Variants in ADAM12 observed in about 807,000 individuals in gnomAD.
The protein encoded by ADAM12 is disintegrin and metalloproteinase domain-containing protein 12.
ADAM12 carries 70 observed loss-of-function variants against 106.4 expected under a neutral mutation model. The observed-to-expected ratio is 0.66, with a 90% CI of 0.54 to 0.80. The LOEUF (loss-of-function observed/expected upper bound fraction) is 0.80. ADAM12 is among the 30% of genes least tolerant of loss of function. The pLI is 0.00. For synonymous variants in ADAM12, 420 were observed against 433.5 expected, an observed-to-expected ratio of 0.97 and a Z score of 0.39; for missense variants, 1,010 against 1,171.9, an observed-to-expected ratio of 0.86 and a Z score of 2.02.
chr10:126,252,855 A>G (rs1958814257), intron 3 of ADAM12, among the ~76,000 whole-genome samples: 1 of 152,128 alleles, frequency 6.6e-6, no homozygotes, highest in African/African-American at 2.4e-5. Flanking sequence ...AGGGACACTG[A>G]GCAGGTTGCC....
At chr10:126,261,184 T>C (rs1306697497) in intron 3 of ADAM12, among the ~76,000 whole-genome samples, 1 of 151,922 alleles carries the variant, frequency 6.6e-6, no homozygotes, top group Non-Finnish European at 1.5e-5. Flanking sequence ...CCATGAGGGG[T>C]TCTGGAGCTA....
intron 3 of ADAM12, among the ~76,000 whole-genome samples, chr10:126,263,654 A>G (rs1345867782): frequency 6.6e-6 from 1 of 152,170 alleles, no homozygotes; most frequent in East Asian, 1.9e-4. Context: ...AAAGTTTACT[A>G]ATTAATTTAT....
chr10:126,387,496 A>G (rs1856705364), intron 1 of ADAM12, among the ~76,000 whole-genome samples: 1 of 152,124 alleles, frequency 6.6e-6, no homozygotes, highest in African/African-American at 2.4e-5. Flanking sequence ...AGAGGAAACT[A>G]AAGAAGTAGG....
chr10:126,109,594 T>G lies in ADAM12; in HGVS notation c.669+181A>C, dbSNP rs546532569. 8.5e-5 allele frequency among the ~76,000 whole-genome samples: 13 copies of G among 152,348 alleles called. No homozygotes were observed. The East Asian group carries it at 2.1e-3, about 25-fold the overall frequency. On this transcript the variant is annotated intron_variant, in intron 7 of 22. Transcript: ENST00000448723. ...CTTTGCCATTACTTTATATATCAAA[T>G]AAATTTTTAATATTGTATGCTTTAT...
At chr10:126,020,561 ATG>A (rs1456413347) in intron 21 of ADAM12, among the ~76,000 whole-genome samples, 3 of 152,180 alleles carry the variant, frequency 2.0e-5, no homozygotes, top group Non-Finnish European at 4.4e-5. Context: ...TCTCTGGAAA[ATG>A]TGGGGAAAAA....
intron 4 of ADAM12, among the ~76,000 whole-genome samples, chr10:126,146,228 A>G (rs1033202260): frequency 2.6e-5 from 4 of 152,134 alleles, no homozygotes; most frequent in Admixed American, 1.3e-4. Flanking sequence ...CAAGGGAGAG[A>G]AGGCACTGGT....
chr10:126,289,453 C>A (rs953302754), intron 2 of ADAM12, among the ~76,000 whole-genome samples: 2 of 152,204 alleles, frequency 1.3e-5, no homozygotes, highest in Non-Finnish European at 2.9e-5. Context: ...GGGTACCAGC[C>A]CCTTGCAACG....
chr10:126,233,893 A>T (rs1180380609), intron 3 of ADAM12, among the ~76,000 whole-genome samples: 2 of 152,226 alleles, frequency 1.3e-5, no homozygotes, highest in Non-Finnish European at 2.9e-5. Context: ...TGTATGCATA[A>T]TTTTGTATCC....
intron 5 of ADAM12, among the ~76,000 whole-genome samples, chr10:126,129,102 T>G (rs527921947): frequency 6.6e-4 from 100 of 152,372 alleles, no homozygotes; most frequent in African/African-American, 2.4e-3. Context: ...TGAGCTTGGC[T>G]CAGGTCTTTT....
intron 3 of ADAM12, among the ~76,000 whole-genome samples, chr10:126,166,648 G>A (rs1371477783): frequency 1.3e-5 from 2 of 152,108 alleles, no homozygotes; most frequent in Admixed American, 6.5e-5. Context: ...ACAGGCATGT[G>A]CCACCACACC....
At chr10:126,348,657 T>A (rs926333054) in intron 1 of ADAM12, among the ~76,000 whole-genome samples, 1 of 152,208 alleles carries the variant, frequency 6.6e-6, no homozygotes, top group Non-Finnish European at 1.5e-5. Context: ...AACTGAGATT[T>A]CCTCTGTCTC....
chr10:126,046,673 C>T (rs906346700), intron 16 of ADAM12, among the ~76,000 whole-genome samples: 1 of 151,562 alleles, frequency 6.6e-6, no homozygotes, highest in Non-Finnish European at 1.5e-5. Context: ...TGTGGTGGCA[C>T]GTGCCTGTAA....
chr10:126,043,098 G>A lies in ADAM12; in HGVS notation c.2046C>T (p.Pro682=), dbSNP rs201581597. The change falls in exon 18 of 23, where the codon CCC becomes CCT. Residue 682 remains proline (P), a synonymous_variant. Coordinates refer to ENST00000448723, the MANE Select transcript of ADAM12 (RefSeq NM_001288973.2). This position sits in a 1 kb window ranked among gnomAD's most constrained non-coding sequence, Gnocchi z 4.1. ...CTCCAAAGCCAAACTTGTCACAGAA[G>A]GGAGGTGCCCAGTGGGCCTCGCAGT... is the stretch of plus-strand genomic sequence containing the variant. ...NCHCEAHWAP[P]FCDKFGFGGS... is the part of the protein sequence containing the mutation. 1.5e-5 allele frequency: 24 copies of A among 1,614,100 alleles called. No homozygotes were observed. The East Asian group carries it at 5.1e-4, about 34-fold the overall frequency.
chr10:126,311,606 C>T (rs953628130), intron 2 of ADAM12, among the ~76,000 whole-genome samples: 1 of 151,992 alleles, frequency 6.6e-6, no homozygotes, highest in Admixed American at 6.6e-5. Flanking sequence ...CCCCCATCCT[C>T]TGGGGAGGGG....
At chr10:126,023,598 A>G (rs569260463) in intron 21 of ADAM12, among the ~76,000 whole-genome samples, 5 of 147,730 alleles carry the variant, frequency 3.4e-5, no homozygotes, top group African/African-American at 1.1e-4. Context: ...CTCTACAGAC[A>G]AGACCTCAGG....
intron 1 of ADAM12, among the ~76,000 whole-genome samples, chr10:126,380,024 A>G (rs1856434973): frequency 6.6e-6 from 1 of 152,214 alleles, no homozygotes; most frequent in Admixed American, 6.5e-5. Flanking sequence ...AACGTTATCC[A>G]ATGAAGCTGT....
intron 3 of ADAM12, among the ~76,000 whole-genome samples, chr10:126,262,153 G>T (rs1047446818): frequency 6.6e-6 from 1 of 152,070 alleles, no homozygotes; most frequent in Non-Finnish European, 1.5e-5. Flanking sequence ...ATAATGACCT[G>T]TATTTTGTAA....
chr10:126,254,683 G>A (rs186292891), intron 3 of ADAM12, among the ~76,000 whole-genome samples: 5 of 152,040 alleles, frequency 3.3e-5, no homozygotes, highest in East Asian at 1.9e-4. Flanking sequence ...AGCCACCACC[G>A]TAGTGAGGAC....
intron 3 of ADAM12, among the ~76,000 whole-genome samples, chr10:126,258,294 A>G (rs563711760): frequency 2.6e-5 from 4 of 152,164 alleles, no homozygotes; most frequent in Non-Finnish European, 5.9e-5. Flanking sequence ...TTTCTAGACT[A>G]TCACTTTCAC....
Sources: gnomAD v4.1 joint callset for allele counts (sites outside exome capture counted in the v4.1 genomes callset) on GRCh38, gnomAD v4.1.1 for gene constraint, Gnocchi (gnomAD v3.1) non-coding constraint, MANE v1.5 for transcripts, NCBI Gene and HGNC (gene_info 2026-07-23, HGNC 2026-07-21) for gene names.